Variants in RSPH14 observed in about 807,000 individuals in gnomAD.
RSPH14 encodes the protein rhabdoid tumor deletion region gene 1.
Under a neutral mutation model 26.7 loss-of-function variants are expected in RSPH14, and 20 were observed. That is an observed-to-expected ratio of 0.75 (90% CI 0.53 to 1.09). RSPH14 has a LOEUF of 1.09. RSPH14 is among the 50% of genes least tolerant of loss of function. RSPH14 has a pLI of 0.00. For synonymous variants in RSPH14, 177 were observed against 189.3 expected (o/e 0.93, Z 0.53); for missense variants, 449 against 457.2 (o/e 0.98, Z 0.16).
intron 4 of RSPH14, among the ~76,000 whole-genome samples, chr22:23,082,138 A>AC (rs1211719153): frequency 3.0e-5 from 2 of 67,210 alleles, no homozygotes; most frequent in East Asian, 9.6e-4. Context: ...AAAAAAACAA[A>AC]AAAAAAAAAC....
intron 4 of RSPH14, among the ~76,000 whole-genome samples, chr22:23,131,972 A>G (rs1035554420): frequency 6.6e-5 from 10 of 152,124 alleles, no homozygotes; most frequent in African/African-American, 2.2e-4. Flanking sequence ...CTAGACCCTC[A>G]CAGGCTCTGC....
chr22:23,082,334 C>T (rs970548086), intron 4 of RSPH14, among the ~76,000 whole-genome samples: 1 of 150,238 alleles, frequency 6.7e-6, no homozygotes, highest in South Asian at 2.1e-4. Flanking sequence ...GTCTCAGCCT[C>T]GAAAGTAGCT....
rs55964741 is a variant in RSPH14 at position 23,059,687 on chromosome 22, G to A, written c.822C>T (p.Ile274=). 71 of 1,559,164 alleles carry A rather than the reference G, an allele frequency of 4.6e-5. No individual in the cohort carries two copies. The highest frequency in any genetic ancestry group is 1.6e-4 in the African/African-American group (12 of 73,110). ...AGTGCAGCAGCTCCAGGAGCAGGCC[G>A]ATGGCTTGTGCCTCCAGGGCCGCAT... ...GKYAALEAQA[I]GLLLELLHSP... The change falls in exon 7 of 7, where the codon ATC becomes ATT. Residue 274 remains isoleucine, a synonymous_variant. Transcript: ENST00000216036.
At chr22:23,067,114 G>T in intron 4 of RSPH14, among the ~76,000 whole-genome samples, 1 of 152,198 alleles carries the variant, frequency 6.6e-6, no homozygotes, top group East Asian at 1.9e-4. Context: ...ATATGTAGGG[G>T]CTAGGATGGG....
At chr22:23,151,134 C>T in the RSPH14 span, among the ~76,000 whole-genome samples, 161 of 152,366 alleles carry the variant, frequency 1.1e-3, 1 homozygote, top group Admixed American at 1.9e-3. Flanking sequence ...GAGAGCGCAG[C>T]TAGAGGTTCC....
rs1198536172 is a variant in RSPH14 at position 23,081,907 on chromosome 22, C to T, written c.422-17774G>A. 4.0e-5 allele frequency among the ~76,000 whole-genome samples: 6 copies of T among 150,446 alleles called. 1 individual carries two copies. The South Asian group carries it at 8.4e-4, about 21-fold the overall frequency. On this transcript the variant is annotated intron_variant, in intron 4 of 6. Transcript: ENST00000216036. ...TTGGGGGGCCGAGGCGGGCGGATCA[C>T]GAGGTCAGGAGATCGAGACCATCCT...
intron 4 of RSPH14, among the ~76,000 whole-genome samples, chr22:23,105,080 C>T (rs9612232): frequency 6.6e-6 from 1 of 152,236 alleles, no homozygotes; most frequent in Non-Finnish European, 1.5e-5. Context: ...GGTACTTTCT[C>T]TAATTTCATT....
chr22:23,129,279 A>G (rs910092819), intron 4 of RSPH14, among the ~76,000 whole-genome samples: 10 of 152,108 alleles, frequency 6.6e-5, no homozygotes, highest in Non-Finnish European at 1.5e-4. Flanking sequence ...TGTCCCCTGC[A>G]TACCCGGTGT....
chr22:23,127,541 C>T (rs2070215214), intron 4 of RSPH14, among the ~76,000 whole-genome samples: 1 of 152,148 alleles, frequency 6.6e-6, no homozygotes, highest in Admixed American at 6.5e-5. Flanking sequence ...CTGGGTCCAT[C>T]GAAGGAAGCT....
chr22:23,171,096 T>C, the RSPH14 span, among the ~76,000 whole-genome samples: 1 of 152,026 alleles, frequency 6.6e-6, no homozygotes, highest in African/African-American at 2.4e-5. Context: ...GCCTCCTGAG[T>C]AGCTGGGACT....
At chr22:23,180,617 G>C in the RSPH14 span, 40,399 of 175,696 alleles carry the variant, frequency 0.23, 5,431 homozygotes, top group East Asian at 0.33. Flanking sequence ...CTGTGGGGCG[G>C]TGCGGAAGCG....
chr22:23,142,116 C>A, upstream of RSPH14: 1 of 817,390 alleles, frequency 1.2e-6, no homozygotes, highest in Non-Finnish European at 1.5e-6. Flanking sequence ...CGGCCGGCTG[C>A]AAAGCGGGAA....
intron 4 of RSPH14, chr22:23,123,120 T>A: frequency 6.2e-7 from 1 of 1,613,764 alleles, no homozygotes; most frequent in Non-Finnish European, 8.5e-7. Flanking sequence ...CCTCTTTGAC[T>A]CCATCTGCAA....
chr22:23,096,153 C>T (rs200414454), intron 4 of RSPH14: 4 of 1,612,918 alleles, frequency 2.5e-6, no homozygotes, highest in South Asian at 2.2e-5. Context: ...GAGGACAACG[C>T]GGCCTACTAC....
chr22:23,161,588 C>G, the RSPH14 span: 1 of 1,564,174 alleles, frequency 6.4e-7, no homozygotes, highest in Non-Finnish European at 8.7e-7. Flanking sequence ...GGAAGGCCTC[C>G]GCTCCCTGCA....
At chr22:23,061,739 G>A (rs1253821819) in intron 6 of RSPH14, 70 bp downstream of exon 6, 4 of 1,585,884 alleles carry the variant, frequency 2.5e-6, no homozygotes, top group Middle Eastern at 1.8e-4. Flanking sequence ...CAGCCCCTGA[G>A]TACAGAAAGC....
chr22:23,160,815 C>T, the RSPH14 span: 335 of 1,571,854 alleles, frequency 2.1e-4, 1 homozygote, highest in African/African-American at 4.0e-3. Flanking sequence ...GGCTTTCACA[C>T]CCAGATGCAT....
upstream of RSPH14, among the ~76,000 whole-genome samples, chr22:23,144,114 A>C (rs1239051279): frequency 3.3e-5 from 5 of 151,214 alleles, no homozygotes; most frequent in Admixed American, 6.6e-5. Flanking sequence ...AAAAAAAAAA[A>C]AAAAAACAGC....
intron 4 of RSPH14, among the ~76,000 whole-genome samples, chr22:23,084,376 T>C (rs1044169263): frequency 1.6e-4 from 25 of 152,210 alleles, no homozygotes; most frequent in Non-Finnish European, 5.9e-5. Context: ...TGCAGGCTAA[T>C]GTAAGTGTTC....
Sources: gnomAD v4.1 joint callset for allele counts (sites outside exome capture counted in the v4.1 genomes callset) on GRCh38, gnomAD v4.1.1 for gene constraint, MANE v1.5 for transcripts, NCBI Gene and HGNC (gene_info 2026-07-23, HGNC 2026-07-21) for gene names.